The following KLHL2 variants were observed in gnomAD, a reference collection of about 807,000 sequenced individuals.
KLHL2 encodes the protein kelch-like protein 2.
Under a neutral mutation model 75.8 loss-of-function variants are expected in KLHL2, and 15 were observed. The observed-to-expected ratio is 0.20, with a 90% CI of 0.13 to 0.30. KLHL2 has a LOEUF of 0.30. Ranked by LOEUF, KLHL2 falls within the 10% of genes least tolerant of loss-of-function variation. KLHL2 has a pLI of 1.00. For synonymous variants in KLHL2, 214 were observed against 251.9 expected (o/e 0.85, Z 1.42); for missense variants, 381 against 741.0 (o/e 0.51, Z 5.64).
At chr4:165,232,878 CTTTTTTT>C (rs912954260) in intron 3 of KLHL2, among the ~76,000 whole-genome samples, 4 of 52,584 alleles carry the variant, frequency 7.6e-5, no homozygotes, top group African/African-American at 2.5e-4. Flanking sequence ...CCCTGTTAAG[CTTTTTTT>C]TTTTTTTTTT....
intron 5 of KLHL2, among the ~76,000 whole-genome samples, chr4:165,282,339 G>A (rs1043381694): frequency 6.6e-5 from 10 of 152,238 alleles, no homozygotes; most frequent in Admixed American, 4.6e-4. Context: ...TCACTGAAAC[G>A]GAAGAATTTT....
chr4:165,216,645 T>C (rs1737560060), intron 1 of KLHL2, among the ~76,000 whole-genome samples: 1 of 152,186 alleles, frequency 6.6e-6, no homozygotes, highest in South Asian at 2.1e-4. Context: ...TGTATATGTA[T>C]ATATGTCTCA....
chr4:165,211,459 G>T (rs1170383954), intron 1 of KLHL2, among the ~76,000 whole-genome samples: 1 of 152,198 alleles, frequency 6.6e-6, no homozygotes, highest in Non-Finnish European at 1.5e-5. Flanking sequence ...TGGACCGGAT[G>T]ACCTTTAATG....
At chr4:165,288,326 A>G (rs1744238291) in intron 5 of KLHL2, among the ~76,000 whole-genome samples, 1 of 152,122 alleles carries the variant, frequency 6.6e-6, no homozygotes, top group Non-Finnish European at 1.5e-5. Flanking sequence ...GGATTTAAAA[A>G]TATTTGAACG....
chr4:165,257,117 C>T (rs1741240570), intron 4 of KLHL2, among the ~76,000 whole-genome samples: 2 of 152,142 alleles, frequency 1.3e-5, no homozygotes, highest in South Asian at 4.1e-4. Flanking sequence ...TTCACATTCG[C>T]AGTTTGTTCC....
chr4:165,228,410 A>G (rs923653327), intron 2 of KLHL2, among the ~76,000 whole-genome samples: 3 of 151,428 alleles, frequency 2.0e-5, no homozygotes, highest in African/African-American at 4.9e-5. Context: ...ATTTGACCCA[A>G]TTTAGTTTTC....
intron 4 of KLHL2, among the ~76,000 whole-genome samples, chr4:165,239,752 G>A (rs1042420867): frequency 1.2e-4 from 18 of 152,200 alleles, no homozygotes; most frequent in African/African-American, 3.9e-4. Flanking sequence ...CCTTCTCTTC[G>A]AACCTACCCC....
intron 8 of KLHL2, among the ~76,000 whole-genome samples, chr4:165,300,078 C>T (rs1208261463): frequency 6.6e-6 from 1 of 152,048 alleles, no homozygotes; most frequent in Non-Finnish European, 1.5e-5. Flanking sequence ...CACCTGAGGT[C>T]AGGAGTTTGA....
intron 8 of KLHL2, among the ~76,000 whole-genome samples, chr4:165,305,069 A>G (rs978543149): frequency 6.6e-6 from 1 of 152,194 alleles, no homozygotes; most frequent in Non-Finnish European, 1.5e-5. Context: ...AAAGGTCTCT[A>G]CTGGAGATTC....
chr4:165,293,670 A>AC (rs139588937), intron 5 of KLHL2, among the ~76,000 whole-genome samples: 1 of 125,990 alleles, frequency 7.9e-6, no homozygotes, highest in Non-Finnish European at 1.6e-5. Context: ...TGCCTGGCTA[A>AC]TTTTTTTTTT....
At chr4:165,241,736 A>G (rs1739834582) in intron 4 of KLHL2, among the ~76,000 whole-genome samples, 3 of 152,236 alleles carry the variant, frequency 2.0e-5, no homozygotes, top group Admixed American at 2.0e-4. Context: ...GAACAGGGCC[A>G]TACCCCTGGT....
Position 165,227,205 on chromosome 4 carries a change from A to T in KLHL2, c.153-1602A>T, listed in dbSNP as rs533523552. Among the ~76,000 whole-genome samples, 17 of 152,292 alleles carry T rather than the reference A, an allele frequency of 1.1e-4. No individual in the cohort carries two copies. In the South Asian group the frequency reaches 3.3e-3, roughly 30 times the overall value. ...ACGGGACCTGCTTTATGTCTCATAC[A>T]GCATCATGAGCCATTAAACTGGTAA... is the stretch of plus-strand genomic sequence containing the variant. On this transcript the variant is annotated intron_variant, in intron 2 of 14. Transcript: ENST00000226725.
Position 165,207,783 on chromosome 4 carries a change from C to G in KLHL2, c.-94C>G. 8.6e-7 allele frequency: 1 copy of G among 1,157,948 alleles called. No homozygotes were observed. Among genetic ancestry groups the G allele is most frequent in the Non-Finnish European group, 1.2e-6 (1 of 859,628 alleles). 71.7% of individuals were successfully genotyped at this position (1,157,948 alleles called of 1,614,324 possible). On this transcript the variant is annotated 5_prime_UTR_variant, in exon 1 of 15. Transcript: ENST00000226725. The surrounding 1 kb of genome is among the most constrained non-coding windows in gnomAD (Gnocchi z 4.2). ...CGCCCCCTCCGGGGCGGATGGAACG[C>G]GGCTCGGCGGGCGGGCAGTGCCGGC...
At chr4:165,263,089 A>G (rs1375746279) in intron 4 of KLHL2, 108 bp from the exon 5 acceptor site, 6 of 864,620 alleles carry the variant, frequency 6.9e-6, no homozygotes, top group Non-Finnish European at 9.2e-6. Flanking sequence ...GGGGGTATGG[A>G]CGCAGATAAT....
At chr4:165,263,776 A>G (rs559688281) in intron 5 of KLHL2, among the ~76,000 whole-genome samples, 1 of 148,462 alleles carries the variant, frequency 6.7e-6, no homozygotes, top group Admixed American at 6.7e-5. Context: ...TATGCATGTG[A>G]AGTTATTTTA....
chr4:165,254,597 A>T (rs1196143166), intron 4 of KLHL2, among the ~76,000 whole-genome samples: 2 of 152,220 alleles, frequency 1.3e-5, no homozygotes, highest in Non-Finnish European at 2.9e-5. Context: ...CTAAGGGCCA[A>T]GGCTTACTGT....
chr4:165,304,178 G>A (rs954454250), intron 8 of KLHL2, among the ~76,000 whole-genome samples: 7 of 152,164 alleles, frequency 4.6e-5, no homozygotes, highest in African/African-American at 1.7e-4. Flanking sequence ...ACCATACCTG[G>A]CCAAGAAGAA....
At position 165,207,869 on chromosome 4, in the gene KLHL2, G is replaced by A. The variant is rs1164314018; in HGVS notation, c.-8G>A. 10 of 1,451,764 alleles carry A rather than the reference G, an allele frequency of 6.9e-6. No homozygotes were observed. The highest frequency in any genetic ancestry group is 2.6e-5 in the South Asian group (2 of 77,140). 89.9% of individuals were successfully genotyped at this position (1,451,764 alleles called of 1,614,324 possible). A position where few individuals can be genotyped will look rare whatever the true frequency, so the allele number is the denominator to read the frequency against. ...GTGCCTGCGTTCTGAAGCCCGAGAG[G>A]AGCCACAATGGAGACGCCGCCGCTG... On this transcript the variant is annotated 5_prime_UTR_variant, in exon 1 of 15. Transcript: ENST00000226725. This position sits in a 1 kb window ranked among gnomAD's most constrained non-coding sequence, Gnocchi z 4.2.
chr4:165,299,434 A>T, intron 7 of KLHL2, 73 bp from the exon 8 acceptor site: 1 of 1,374,866 alleles, frequency 7.3e-7, no homozygotes, highest in Admixed American at 2.5e-5. Context: ...CCTCTCCTTT[A>T]CTTCTTTTTC....
Sources: allele counts gnomAD v4.1 joint callset (sites outside exome capture counted in the v4.1 genomes callset), GRCh38; gene constraint gnomAD v4.1.1; non-coding constraint Gnocchi (gnomAD v3.1); transcripts MANE v1.5; gene names NCBI Gene and HGNC (gene_info 2026-07-23, HGNC 2026-07-21).